Variants in EBF1 observed in about 807,000 individuals in gnomAD.
EBF1 encodes the protein transcription factor COE1.
In EBF1, 10 loss-of-function variants were observed where a neutral mutation model predicts 68.4. The observed-to-expected ratio is 0.15, with a 90% CI of 0.09 to 0.25. The LOEUF is 0.25. Among genes scored for constraint, EBF1 ranks in the 10% least tolerant of loss-of-function variants. EBF1 has a pLI of 1.00. For missense variants in EBF1, 509 were observed against 794.4 expected (o/e 0.64, Z 4.32); for synonymous variants, 298 against 299.8 (o/e 0.99, Z 0.06).
chr5:158,740,492 T>C (rs1766103351), intron 10 of EBF1, among the ~76,000 whole-genome samples: 2 of 152,168 alleles, frequency 1.3e-5, no homozygotes, highest in South Asian at 2.1e-4. Context: ...ATCCCAAGAA[T>C]GGTGATAAAA....
intron 6 of EBF1, among the ~76,000 whole-genome samples, chr5:159,035,885 T>G (rs1334982407): frequency 6.6e-6 from 1 of 152,208 alleles, no homozygotes; most frequent in Non-Finnish European, 1.5e-5. Context: ...CTTTTGGGGT[T>G]CGAAGGACCT....
intron 6 of EBF1, among the ~76,000 whole-genome samples, chr5:159,025,559 A>G (rs1032767397): frequency 6.6e-6 from 1 of 152,174 alleles, no homozygotes; most frequent in African/African-American, 2.4e-5. Flanking sequence ...CTTTAACCTT[A>G]TTAACCCTTG....
chr5:159,069,683 C>T (rs1777479913), intron 6 of EBF1, among the ~76,000 whole-genome samples: 1 of 152,080 alleles, frequency 6.6e-6, no homozygotes, highest in South Asian at 2.1e-4. Flanking sequence ...TCAGACTACC[C>T]TATGTGACTT....
chr5:158,879,835 G>A (rs755944335), intron 6 of EBF1, among the ~76,000 whole-genome samples: 2 of 152,132 alleles, frequency 1.3e-5, no homozygotes, highest in Non-Finnish European at 2.9e-5. Flanking sequence ...AATATTAATC[G>A]CTCCTATGGT....
chr5:158,950,412 T>C (rs1276583888), intron 6 of EBF1, among the ~76,000 whole-genome samples: 1 of 152,178 alleles, frequency 6.6e-6, no homozygotes, highest in Non-Finnish European at 1.5e-5. Flanking sequence ...GCTTCCACTA[T>C]AGCAGTCCAA....
chr5:159,048,939 T>C (rs1364295626), intron 6 of EBF1, among the ~76,000 whole-genome samples: 1 of 152,222 alleles, frequency 6.6e-6, no homozygotes, highest in Admixed American at 6.5e-5. Context: ...TACACATGTC[T>C]TCCAAATTAA....
At chr5:158,914,326 G>T (rs1172937874) in intron 6 of EBF1, among the ~76,000 whole-genome samples, 9 of 152,144 alleles carry the variant, frequency 5.9e-5, no homozygotes, top group Admixed American at 5.9e-4. Flanking sequence ...GCCTATATGG[G>T]TGTGAATAAT....
chr5:159,063,001 G>A (rs746827685), intron 6 of EBF1, among the ~76,000 whole-genome samples: 6 of 152,162 alleles, frequency 3.9e-5, no homozygotes, highest in Admixed American at 1.3e-4. Context: ...ATTCTTTAAT[G>A]GCAGTGCCAT....
At chr5:158,960,221 A>G (rs952715932) in intron 6 of EBF1, among the ~76,000 whole-genome samples, 1 of 152,244 alleles carries the variant, frequency 6.6e-6, no homozygotes, top group African/African-American at 2.4e-5. Context: ...CCCTATATTT[A>G]CTGATAATAA....
chr5:158,709,787 C>T (rs1031259742), intron 14 of EBF1, among the ~76,000 whole-genome samples: 1 of 152,184 alleles, frequency 6.6e-6, no homozygotes, highest in Non-Finnish European at 1.5e-5. Context: ...AAAATACGCT[C>T]AATAATAACA....
At chr5:158,783,399 A>T (rs1295019854) in intron 9 of EBF1, among the ~76,000 whole-genome samples, 1 of 152,212 alleles carries the variant, frequency 6.6e-6, no homozygotes, top group African/African-American at 2.4e-5. Context: ...TTACCTCTAG[A>T]TGGTAGAGGT....
chr5:159,056,018 T>C (rs540402292), intron 6 of EBF1, among the ~76,000 whole-genome samples: 5 of 152,334 alleles, frequency 3.3e-5, no homozygotes, highest in South Asian at 4.1e-4. Flanking sequence ...CAATGGTTTC[T>C]AAAGGAGAGA....
intron 6 of EBF1, among the ~76,000 whole-genome samples, chr5:158,897,731 A>G (rs562084836): frequency 6.6e-6 from 1 of 152,354 alleles, no homozygotes; most frequent in East Asian, 1.9e-4. Flanking sequence ...AAAGAGCCAC[A>G]AGACTTAGCT....
chr5:159,082,838 G>A (rs1432498204), intron 5 of EBF1, among the ~76,000 whole-genome samples: 1 of 152,126 alleles, frequency 6.6e-6, no homozygotes, highest in African/African-American at 2.4e-5. Context: ...GCCTTCAGTG[G>A]CTTCAGAATT....
intron 8 of EBF1, among the ~76,000 whole-genome samples, chr5:158,819,417 AGT>A (rs1391982435): frequency 1.3e-5 from 2 of 152,258 alleles, no homozygotes; most frequent in Admixed American, 1.3e-4. Flanking sequence ...TCTGCACCAC[AGT>A]GTTGTGAGGG....
intron 8 of EBF1, among the ~76,000 whole-genome samples, chr5:158,801,767 A>G (rs1321196519): frequency 3.3e-5 from 5 of 152,042 alleles, no homozygotes; most frequent in African/African-American, 7.2e-5. Flanking sequence ...GACATTTGCT[A>G]TCACCTACTC....
intron 6 of EBF1, among the ~76,000 whole-genome samples, chr5:158,885,327 C>T (rs1190223547): frequency 6.6e-6 from 1 of 152,184 alleles, no homozygotes; most frequent in Non-Finnish European, 1.5e-5. Context: ...AGTGAGAAGA[C>T]AGTCACAGTT....
intron 14 of EBF1, among the ~76,000 whole-genome samples, chr5:158,710,151 TTTA>T (rs1758855615): frequency 6.6e-6 from 1 of 152,210 alleles, no homozygotes. Context: ...GGGCTTTGTG[TTTA>T]TTGTTTTATT....
rs761026683 is a variant in EBF1, at chr5:159,099,356, C to T, written c.123G>A (p.Thr41=). ...CGCGCAGTACCCACCTCTGCGCCGC[C>T]GTGTTGGCGTCCAGCACCCCGGCGC... The part of the protein sequence containing the change: ...MQGAGVLDAN[T]AAQSGVGLAR... Residue 41 remains threonine, a synonymous_variant, in exon 1 of 16, where the codon ACG becomes ACA. Transcript: ENST00000313708. 12 of 1,588,060 alleles carry T rather than the reference C, an allele frequency of 7.6e-6. No individual in the cohort carries two copies. In the East Asian group the frequency reaches 1.9e-4, roughly 26 times the overall value.
Sources: gnomAD v4.1 joint callset for allele counts (sites outside exome capture counted in the v4.1 genomes callset) on GRCh38, gnomAD v4.1.1 for gene constraint, MANE v1.5 for transcripts, NCBI Gene and HGNC (gene_info 2026-07-23, HGNC 2026-07-21) for gene names.